The following GRIK1 variants were observed in gnomAD, a reference collection of about 807,000 sequenced individuals.
GRIK1 encodes the protein glutamate receptor ionotropic, kainate 1.
GRIK1 carries 69 observed loss-of-function variants against 105.7 expected under a neutral mutation model. That is an observed-to-expected ratio of 0.65 (90% CI 0.54 to 0.80). The LOEUF (loss-of-function observed/expected upper bound fraction) is 0.80. Among genes scored for constraint, GRIK1 ranks in the 30% least tolerant of loss-of-function variants. The probability of loss-of-function intolerance (pLI) is 0.00; values close to 1 mark genes in which losing one functional copy is unlikely to be tolerated. For missense variants in GRIK1, 1,109 were observed against 1,167.3 expected (o/e 0.95, Z 0.73); for synonymous variants, 438 against 431.3 (o/e 1.02, Z -0.19).
chr21:29,737,660 C>A, intron 1 of GRIK1, among the ~76,000 whole-genome samples: 1 of 152,232 alleles, frequency 6.6e-6, no homozygotes, highest in East Asian at 1.9e-4. Flanking sequence ...TTAAAGAAGG[C>A]TTTGCCGGCC....
At chr21:29,883,813 A>T (rs1413446260) in intron 1 of GRIK1, among the ~76,000 whole-genome samples, 1 of 152,040 alleles carries the variant, frequency 6.6e-6, no homozygotes, top group Non-Finnish European at 1.5e-5. Context: ...CACATTTCAA[A>T]ATCTCCCAGC....
rs1227603176 is a variant in GRIK1 at position 29,576,862 on chromosome 21, ATC to A, written c.2130+100_2130+101del. On this transcript the variant is annotated intron_variant, in intron 14 of 17. Transcript: ENST00000327783. ...TATTTCATTAAAAAAATTACCCAAC[ATC>A]TTTTTTTCTTTTTTCTTTTTCTTTT... 3 of 688,442 alleles carry A rather than the reference ATC, an allele frequency of 4.4e-6. No individual in the cohort carries two copies. The East Asian group carries it at 7.9e-5, about 18-fold the overall frequency. 42.6% of individuals were successfully genotyped at this position (688,442 alleles called of 1,614,324 possible). A position where few individuals can be genotyped will look rare whatever the true frequency, so the allele number is the denominator to read the frequency against.
At chr21:29,816,279 C>T (rs887204188) in intron 1 of GRIK1, among the ~76,000 whole-genome samples, 10 of 151,824 alleles carry the variant, frequency 6.6e-5, no homozygotes, top group Admixed American at 5.3e-4. Flanking sequence ...TGGCTATCAT[C>T]AAAAAGACAA....
chr21:29,846,263 C>T (rs2146023644), intron 1 of GRIK1, among the ~76,000 whole-genome samples: 1 of 151,806 alleles, frequency 6.6e-6, no homozygotes. Context: ...TGGCGCATGC[C>T]TGTAATCCCA....
At chr21:29,597,733 G>A (rs1478167253) in intron 8 of GRIK1, 1 of 366,250 alleles carries the variant, frequency 2.7e-6, no homozygotes, top group Non-Finnish European at 5.9e-6. Context: ...TCTCAAAACT[G>A]CAAACAAATT....
At chr21:29,922,313 C>A (rs935397353) in intron 1 of GRIK1, among the ~76,000 whole-genome samples, 2 of 152,072 alleles carry the variant, frequency 1.3e-5, no homozygotes, top group African/African-American at 4.8e-5. Context: ...CCATTAACAT[C>A]TTTATTTTTA....
chr21:29,765,430 T>C (rs1056979339), intron 1 of GRIK1, among the ~76,000 whole-genome samples: 2 of 152,166 alleles, frequency 1.3e-5, no homozygotes, highest in Non-Finnish European at 2.9e-5. Context: ...TGCTACCTTA[T>C]ACCCTAATGG....
At chr21:29,839,023 A>G (rs1036239037) in intron 1 of GRIK1, among the ~76,000 whole-genome samples, 2 of 149,506 alleles carry the variant, frequency 1.3e-5, no homozygotes, top group African/African-American at 5.0e-5. Context: ...TTAATGAATA[A>G]ATATCATACT....
intron 1 of GRIK1, among the ~76,000 whole-genome samples, chr21:29,716,706 T>C (rs1358238176): frequency 6.6e-6 from 1 of 152,188 alleles, no homozygotes; most frequent in African/African-American, 2.4e-5. Context: ...GGCAAAGCAC[T>C]CAAGAGGAAG....
At chr21:29,564,383 G>C (rs1219699154) in intron 14 of GRIK1, among the ~76,000 whole-genome samples, 1 of 152,090 alleles carries the variant, frequency 6.6e-6, no homozygotes, top group Non-Finnish European at 1.5e-5. Flanking sequence ...TCCTGACCTC[G>C]TGATCCGCCC....
At chr21:29,646,011 C>T (rs899965671) in intron 6 of GRIK1, among the ~76,000 whole-genome samples, 9 of 152,168 alleles carry the variant, frequency 5.9e-5, no homozygotes, top group Non-Finnish European at 1.3e-4. Context: ...AGAAGATTGG[C>T]CCCTTGACTG....
At chr21:29,813,575 A>G (rs2067069898) in intron 1 of GRIK1, among the ~76,000 whole-genome samples, 2 of 152,196 alleles carry the variant, frequency 1.3e-5, no homozygotes, top group South Asian at 4.1e-4. Flanking sequence ...GCTGAGTATT[A>G]CAGACATTAA....
intron 16 of GRIK1, among the ~76,000 whole-genome samples, chr21:29,550,319 G>T (rs1159350895): frequency 6.6e-6 from 1 of 152,026 alleles, no homozygotes; most frequent in African/African-American, 2.4e-5. Flanking sequence ...ATTCTAAGTG[G>T]AAAGGGTCTG....
rs192401908 is a variant in GRIK1 at position 29,605,724 on chromosome 21, A to G, written c.1099-6787T>C. Reference sequence around the variant, plus strand: ...CCTTTTTCTCGGCAACCTCGCCAGCATCTGTTGAAAAGGAATTTAAATATG... The same window carrying G: ...CCTTTTTCTCGGCAACCTCGCCAGCGTCTGTTGAAAAGGAATTTAAATATG... On this transcript the variant is annotated intron_variant, in intron 7 of 17. Transcript: ENST00000327783. 6.1e-3 allele frequency among the ~76,000 whole-genome samples: 927 copies of G among 152,288 alleles called. 9 individuals are homozygous for G. The highest frequency in any genetic ancestry group is 7.2e-3 in the Non-Finnish European group (490 of 68,016).
intron 1 of GRIK1, among the ~76,000 whole-genome samples, chr21:29,805,743 A>G (rs1236700573): frequency 6.6e-6 from 1 of 152,144 alleles, no homozygotes. Context: ...CTAGTCAGCC[A>G]TTATGGTGCT....
At chr21:29,894,129 G>C (rs1317885283) in intron 1 of GRIK1, among the ~76,000 whole-genome samples, 1 of 152,084 alleles carries the variant, frequency 6.6e-6, no homozygotes, top group African/African-American at 2.4e-5. Flanking sequence ...TATTAGTCAG[G>C]GTTCTCTAGA....
At chr21:29,728,561 T>A (rs951953755) in intron 1 of GRIK1, among the ~76,000 whole-genome samples, 2 of 152,172 alleles carry the variant, frequency 1.3e-5, no homozygotes, top group African/African-American at 4.8e-5. Context: ...CTGCTATAAA[T>A]CATTACATCA....
intron 1 of GRIK1, among the ~76,000 whole-genome samples, chr21:29,766,018 A>AT (rs1212164771): frequency 2.0e-5 from 3 of 151,740 alleles, no homozygotes; most frequent in Admixed American, 1.3e-4. Flanking sequence ...CGCCCGGCTA[A>AT]TTTTTTGTAT....
intron 10 of GRIK1, among the ~76,000 whole-genome samples, chr21:29,590,593 C>T (rs1011815944): frequency 4.6e-5 from 7 of 152,200 alleles, no homozygotes; most frequent in African/African-American, 1.7e-4. Context: ...CTTCAGGAAA[C>T]CTGCACCACC....
Sources: gnomAD v4.1 joint callset for allele counts (sites outside exome capture counted in the v4.1 genomes callset) on GRCh38, gnomAD v4.1.1 for gene constraint, MANE v1.5 for transcripts, NCBI Gene and HGNC (gene_info 2026-07-23, HGNC 2026-07-21) for gene names.